Variants in COL5A1 observed in about 807,000 individuals in gnomAD.
COL5A1 encodes collagen type V alpha 1 chain.
Under a neutral mutation model 263.7 loss-of-function variants are expected in COL5A1, and 16 were observed. The observed-to-expected ratio is 0.06, with a 90% CI of 0.04 to 0.09. The LOEUF is 0.09. Ranked by LOEUF, COL5A1 falls within the 10% of genes least tolerant of loss-of-function variation. The pLI, the probability that COL5A1 is intolerant of heterozygous loss-of-function variation, is 1.00. For synonymous variants in COL5A1, 1,012 were observed against 1,004.5 expected, an observed-to-expected ratio of 1.01 and a Z score of -0.14; for missense variants, 2,036 against 2,540.5, an observed-to-expected ratio of 0.80 and a Z score of 4.27.
rs181052016 is a variant in COL5A1 at position 134,715,347 on chromosome 9, A to G, written c.655-11919A>G. On this transcript the variant is annotated intron_variant, in intron 4 of 65. Transcript: ENST00000371817. The stretch of plus-strand genomic sequence containing the variant: ...TTTCCTCTATCTCAGTAGATGGGAT[A>G]TACAATCCGGTTTTACACCAAGACA... Among the ~76,000 whole-genome samples, 29 of 152,332 alleles carry G rather than the reference A, an allele frequency of 1.9e-4. No individual in the cohort carries two copies. The East Asian group carries it at 2.3e-3, about 12-fold the overall frequency.
At chr9:134,649,051 AAGG>A (rs775042834) in intron 1 of COL5A1, among the ~76,000 whole-genome samples, 13 of 151,502 alleles carry the variant, frequency 8.6e-5, no homozygotes, top group South Asian at 8.5e-4. Flanking sequence ...TGATCACTGA[AAGG>A]AGGTGTTCCA....
At chr9:134,732,371 G>C (rs1834921756) in intron 9 of COL5A1, 3 of 609,362 alleles carry the variant, frequency 4.9e-6, no homozygotes. Flanking sequence ...GATCAAAGCC[G>C]GTCCTGCACC....
intron 9 of COL5A1, among the ~76,000 whole-genome samples, chr9:134,737,153 G>T (rs1318340085): frequency 1.3e-5 from 2 of 152,236 alleles, no homozygotes; most frequent in Admixed American, 1.3e-4. Flanking sequence ...CTGCCCCTGT[G>T]GCTGGTTTCT....
In COL5A1 at chr9:134,731,477, C is replaced by G; in HGVS notation, c.1165-19C>G. 6.2e-7 allele frequency: 1 copy of G among 1,613,748 alleles called. No individual in the cohort carries two copies. The highest frequency in any genetic ancestry group is 8.5e-7 in the Non-Finnish European group (1 of 1,179,900). On this transcript the variant is annotated intron_variant, in intron 7 of 65. Coordinates refer to ENST00000371817, the MANE Select transcript of COL5A1 (RefSeq NM_000093.5). ...GGTGCGTTTGCGAGGCAACCCTGCG[C>G]CTTCCTCTCCCTCTGCAGCCAGCTC... is the stretch of plus-strand genomic sequence containing the variant.
chr9:134,738,676 G>T (rs1234780752), intron 10 of COL5A1, 70 bp from the exon 11 acceptor site: 2 of 1,487,246 alleles, frequency 1.3e-6, no homozygotes, highest in Non-Finnish European at 1.9e-6. Flanking sequence ...GCCTTGGTTG[G>T]CCAGTTGGAA....
intron 9 of COL5A1, among the ~76,000 whole-genome samples, chr9:134,733,144 C>G (rs1362017191): frequency 6.6e-6 from 1 of 152,168 alleles, no homozygotes; most frequent in African/African-American, 2.4e-5. Flanking sequence ...GGGCTGAGCT[C>G]AGGATACACC....
intron 35 of COL5A1, 145 bp downstream of exon 35, chr9:134,796,563 T>G (rs1588560002): frequency 1.1e-6 from 1 of 883,208 alleles, no homozygotes; most frequent in South Asian, 1.5e-5. Flanking sequence ...ATCCCAAGGG[T>G]GGGTCACGCC....
rs762699995 is a variant in COL5A1, at chr9:134,815,609, C to A, written c.4048C>A (p.Pro1350Thr). ...GGGTTTTCCTGGAGATCCTGGCCCCCCCGGAGAGCCTGGCCCCGCGGTAGG... is the reference window on the plus strand; with the variant it reads ...GGGTTTTCCTGGAGATCCTGGCCCCACCGGAGAGCCTGGCCCCGCGGTAGG... ...PVGFPGDPGPPGEPGPAGQDG... is the reference protein window; with the variant it reads ...PVGFPGDPGPTGEPGPAGQDG... The change falls in exon 51 of 66, where the codon CCC becomes ACC. Residue 1350 changes from proline to threonine, a missense_variant. Around this residue, in one of 3 missense-constraint regions of COL5A1, gnomAD observed 1,078 missense variants for 1,521.4 expected, o/e 0.71. Transcript: ENST00000371817. 1 of 1,613,694 alleles carries A rather than the reference C, an allele frequency of 6.2e-7. No individual in the cohort carries two copies. Among genetic ancestry groups the A allele is most frequent in the Non-Finnish European group, 8.5e-7 (1 of 1,179,968 alleles).
At chr9:134,729,195 G>A (rs990827101) in intron 6 of COL5A1, among the ~76,000 whole-genome samples, 1 of 152,228 alleles carries the variant, frequency 6.6e-6, no homozygotes, top group Non-Finnish European at 1.5e-5. Flanking sequence ...GCTCCCCCGG[G>A]GGGTGACGCA....
chr9:134,795,585 A>G (rs1016181932), intron 34 of COL5A1, among the ~76,000 whole-genome samples: 4 of 152,156 alleles, frequency 2.6e-5, no homozygotes, highest in African/African-American at 9.7e-5. Flanking sequence ...TGGGACCCCA[A>G]AGACGGCAGC....
intron 34 of COL5A1, among the ~76,000 whole-genome samples, chr9:134,795,907 C>T (rs1490494937): frequency 6.6e-6 from 1 of 152,208 alleles, no homozygotes; most frequent in Non-Finnish European, 1.5e-5. Flanking sequence ...CGTCCCTCGG[C>T]TGACCGGAAT....
At position 134,731,668 on chromosome 9, in the gene COL5A1, G is replaced by C. The variant is rs1564417882; in HGVS notation, c.1332+5G>C. On this transcript the variant is annotated splice_donor_5th_base_variant and intron_variant, in intron 8 of 65. Transcript: ENST00000371817. Reference sequence around the variant, plus strand: ...CAGGATACCATCTATGAAGGGGTGAGAGGGTGCAGGCCCCCGTTCCGGGTG... The same window carrying C: ...CAGGATACCATCTATGAAGGGGTGACAGGGTGCAGGCCCCCGTTCCGGGTG... 2 of 1,610,644 alleles carry C rather than the reference G, an allele frequency of 1.2e-6. No individual in the cohort carries two copies. Among genetic ancestry groups the C allele is most frequent in the Non-Finnish European group, 1.7e-6 (2 of 1,178,158 alleles).
At chr9:134,658,174 C>T (rs1298335685) in intron 1 of COL5A1, among the ~76,000 whole-genome samples, 2 of 152,160 alleles carry the variant, frequency 1.3e-5, no homozygotes. Context: ...CCAGGGCAGG[C>T]TCTGAGGACC....
intron 50 of COL5A1, 106 bp from the exon 51 acceptor site, chr9:134,815,470 C>T: frequency 8.8e-7 from 1 of 1,132,234 alleles, no homozygotes; most frequent in Non-Finnish European, 1.3e-6. Context: ...GTCTTAGGAG[C>T]TGGACGGTGG....
intron 37 of COL5A1, among the ~76,000 whole-genome samples, chr9:134,799,204 T>C (rs553336237): frequency 5.9e-4 from 90 of 152,356 alleles, no homozygotes; most frequent in Middle Eastern, 3.4e-3. Context: ...GTGTTTTCAG[T>C]TGGGAGAAAA....
At chr9:134,726,657 T>C (rs1266835726) in intron 4 of COL5A1, among the ~76,000 whole-genome samples, 1 of 150,566 alleles carries the variant, frequency 6.6e-6, no homozygotes, top group African/African-American at 2.5e-5. Flanking sequence ...GATGGATGGG[T>C]GGATGGGAGA....
intron 4 of COL5A1, among the ~76,000 whole-genome samples, chr9:134,713,298 T>C (rs1834134471): frequency 6.6e-6 from 1 of 152,202 alleles, no homozygotes. Context: ...CAGGGTGTGA[T>C]GGTGGGGAGC....
chr9:134,754,409 C>T lies in COL5A1; in HGVS notation c.1827+83C>T. The T allele has an allele frequency of 1.3e-6, 2 of 1,493,548 alleles. No individual in the cohort carries two copies. The highest frequency in any genetic ancestry group is 2.3e-5 in the East Asian group (1 of 44,268). 92.5% of individuals were successfully genotyped at this position (1,493,548 alleles called of 1,614,324 possible). A position where few individuals can be genotyped will look rare whatever the true frequency, so the allele number is the denominator to read the frequency against. ...AAATCTGGGGTGCGGGCACCCCCAACAGCCAGCTGGGCCACATGAAGCCAG... is the reference window on the plus strand; with the variant it reads ...AAATCTGGGGTGCGGGCACCCCCAATAGCCAGCTGGGCCACATGAAGCCAG... On this transcript the variant is annotated intron_variant, in intron 16 of 65. Transcript: ENST00000371817. The surrounding 1 kb of genome is among the most constrained non-coding windows in gnomAD (Gnocchi z 4.3).
intron 27 of COL5A1, among the ~76,000 whole-genome samples, chr9:134,776,454 G>C (rs918232006): frequency 2.5e-4 from 38 of 152,198 alleles, no homozygotes; most frequent in African/African-American, 9.2e-4. Flanking sequence ...AATCCAGTTA[G>C]ACTTGGAAGC....
Sources: gnomAD v4.1 joint callset for allele counts (sites outside exome capture counted in the v4.1 genomes callset) on GRCh38, gnomAD v4.1.1 for gene constraint, gnomAD v4.1.1 regional missense constraint, Gnocchi (gnomAD v3.1) non-coding constraint, MANE v1.5 for transcripts, NCBI Gene and HGNC (gene_info 2026-07-23, HGNC 2026-07-21) for gene names.